Variants in DLGAP1 observed in about 807,000 individuals in gnomAD.
DLGAP1 encodes disks large-associated protein 1.
In DLGAP1, 11 loss-of-function variants were observed where a neutral mutation model predicts 90.8. The ratio of observed to expected loss-of-function variants is 0.12; its 90% CI spans 0.08 to 0.20. The LOEUF is 0.20. Ranked by LOEUF, DLGAP1 falls within the 10% of genes least tolerant of loss-of-function variation. The pLI is 1.00. For synonymous variants in DLGAP1, 558 were observed against 540.7 expected, an observed-to-expected ratio of 1.03 and a Z score of -0.44; for missense variants, 1,050 against 1,333.8, an observed-to-expected ratio of 0.79 and a Z score of 3.31.
intron 1 of DLGAP1, among the ~76,000 whole-genome samples, chr18:4,394,911 T>C (rs1336144856): frequency 2.0e-5 from 3 of 152,238 alleles, no homozygotes; most frequent in Non-Finnish European, 4.4e-5. Context: ...AGCTCAGGAA[T>C]ACCTTCATTC....
At chr18:3,995,915 TAA>T (rs2074061157) in intron 3 of DLGAP1, among the ~76,000 whole-genome samples, 1 of 152,050 alleles carries the variant, frequency 6.6e-6, no homozygotes, top group South Asian at 2.1e-4. Context: ...AAAGCAAAAG[TAA>T]AAGTTTAGAT....
intron 5 of DLGAP1, among the ~76,000 whole-genome samples, chr18:3,747,208 G>GA (rs1356388053): frequency 6.6e-6 from 1 of 152,044 alleles, no homozygotes; most frequent in Non-Finnish European, 1.5e-5. Flanking sequence ...AAAAGTAAAA[G>GA]AAAAAAATTG....
intron 1 of DLGAP1, among the ~76,000 whole-genome samples, chr18:4,269,455 G>A (rs1231039161): frequency 6.6e-6 from 1 of 150,980 alleles, no homozygotes; most frequent in Non-Finnish European, 1.5e-5. Flanking sequence ...CCGGGCTCAC[G>A]CCATTCTCCT....
Position 4,207,757 on chromosome 18 carries a change from C to A in DLGAP1, c.-266-56470G>T, listed in dbSNP as rs150862776. The stretch of plus-strand genomic sequence containing the variant: ...CACCAAAGAGCCAAACTGCTATCCA[C>A]CACTGCCTGTTTGGGGACCCAAATC... On this transcript the variant is annotated intron_variant, in intron 1 of 12. Transcript: ENST00000315677. 2.6e-3 allele frequency among the ~76,000 whole-genome samples: 397 copies of A among 152,330 alleles called. 6 individuals are homozygous for A. In the East Asian group the frequency reaches 0.029, roughly 11 times the overall value.
At chr18:3,964,933 A>T (rs1391699953) in intron 3 of DLGAP1, among the ~76,000 whole-genome samples, 4 of 152,188 alleles carry the variant, frequency 2.6e-5, no homozygotes, top group Admixed American at 2.6e-4. Flanking sequence ...AAAAGATTCT[A>T]CTAAGAGACT....
Position 3,879,151 on chromosome 18 carries a change from G to C in DLGAP1, c.918C>G (p.Ser306=). 10 of 1,508,732 alleles carry C rather than the reference G, an allele frequency of 6.6e-6. No homozygotes were observed. Among genetic ancestry groups the C allele is most frequent in the Non-Finnish European group, 8.0e-6 (9 of 1,128,354 alleles). The allele number at this position is 1,508,732 out of a possible 1,614,324, so 93.5% of individuals were successfully genotyped here. A position where few individuals can be genotyped will look rare whatever the true frequency, so the allele number is the denominator to read the frequency against. ...SVNMDQAMVK[S]ESCQQERSCQ... ...AGGAGCGTTCTTGCTGACACGACTC[G>C]GACTTCACCATGGCCTGGTCCATGT... Residue 306 remains serine (S), a synonymous_variant, in exon 4 of 13, where the codon TCC becomes TCG. Transcript: ENST00000315677. The surrounding 1 kb of genome is among the most constrained non-coding windows in gnomAD (Gnocchi z 6.6).
At chr18:4,444,513 T>G (rs2083614225) in intron 1 of DLGAP1, among the ~76,000 whole-genome samples, 1 of 152,238 alleles carries the variant, frequency 6.6e-6, no homozygotes, top group East Asian at 1.9e-4. Context: ...TACTGAGAGC[T>G]GTATCCTGCA....
At position 4,149,705 on chromosome 18, in the gene DLGAP1, C is replaced by T. The variant is rs559839546; in HGVS notation, c.-159+1475G>A. ...GAGCATGATCCCTGTTGTGAACTGT[C>T]CACGTGAGGAATCTAGGTATGTGCT... On this transcript the variant is annotated intron_variant, in intron 2 of 12. Coordinates refer to ENST00000315677, the MANE Select transcript of DLGAP1 (RefSeq NM_004746.4). Among the ~76,000 whole-genome samples, 7 of 152,300 alleles carry T rather than the reference C, an allele frequency of 4.6e-5. No individual in the cohort carries two copies. The South Asian group carries it at 1.5e-3, about 32-fold the overall frequency.
intron 8 of DLGAP1, among the ~76,000 whole-genome samples, chr18:3,574,804 AT>A (rs71366688): frequency 4.7e-5 from 7 of 148,488 alleles, no homozygotes; most frequent in South Asian, 2.1e-4. Flanking sequence ...ATTTTATTTT[AT>A]TTTATTTTAT....
rs1049672760 is a variant in DLGAP1, at chr18:4,159,845, CT to C, written c.-266-8559del. On this transcript the variant is annotated intron_variant, in intron 1 of 12. Transcript: ENST00000315677. The stretch of plus-strand genomic sequence containing the variant: ...CTTAGTCTCCATTCTCTTGTTTGTA[CT>C]TTTTTTTGGTCTGCGTTCTTCTCTC... Among the ~76,000 whole-genome samples the C allele has an allele frequency of 5.3e-5, 8 of 152,040 alleles. No homozygotes were observed. The East Asian group carries it at 1.5e-3, about 29-fold the overall frequency.
intron 7 of DLGAP1, among the ~76,000 whole-genome samples, chr18:3,623,188 C>T (rs1291268452): frequency 2.6e-5 from 4 of 152,064 alleles, no homozygotes; most frequent in Non-Finnish European, 5.9e-5. Flanking sequence ...ACTGGTGAAA[C>T]AGGCATGCTA....
chr18:3,531,253 A>G (rs139391381), intron 10 of DLGAP1, among the ~76,000 whole-genome samples: 7,793 of 152,064 alleles, frequency 0.051, 344 homozygotes, highest in African/African-American at 0.12. Context: ...ACTGGCCAAC[A>G]TGGTGAAACC....
chr18:4,429,586 G>A (rs922082235), intron 1 of DLGAP1, among the ~76,000 whole-genome samples: 20 of 152,194 alleles, frequency 1.3e-4, no homozygotes, highest in African/African-American at 4.8e-4. Context: ...ACTAAGTGTT[G>A]GCAAGGATTT....
chr18:3,809,334 AGGC>A (rs2066716306), intron 5 of DLGAP1, among the ~76,000 whole-genome samples: 1 of 152,232 alleles, frequency 6.6e-6, no homozygotes, highest in South Asian at 2.1e-4. Context: ...ATTTGCCAAA[AGGC>A]ACACAGCTAC....
chr18:4,221,826 C>T (rs182093914), intron 1 of DLGAP1, among the ~76,000 whole-genome samples: 3 of 152,268 alleles, frequency 2.0e-5, no homozygotes, highest in East Asian at 1.9e-4. Context: ...GTTATCTCTT[C>T]GCATTTACAT....
chr18:3,752,284 A>G (rs950428692), intron 5 of DLGAP1, among the ~76,000 whole-genome samples: 2 of 152,116 alleles, frequency 1.3e-5, no homozygotes, highest in Non-Finnish European at 2.9e-5. Flanking sequence ...AGAATTATGT[A>G]ATCATAATTA....
chr18:4,146,560 G>A (rs77179544), intron 2 of DLGAP1, among the ~76,000 whole-genome samples: 2,008 of 152,130 alleles, frequency 0.013, 25 homozygotes, highest in Non-Finnish European at 0.019. Flanking sequence ...TATAATGGAG[G>A]TAACTGAAGC....
In DLGAP1 at chr18:3,600,819, GATAT is replaced by G. The variant is rs71366691; in HGVS notation, c.1592-18575_1592-18572del. Among the ~76,000 whole-genome samples the G allele has an allele frequency of 1.0e-3, 58 of 55,692 alleles. 2 individuals carry two copies. The highest frequency in any genetic ancestry group is 1.6e-3 in the Non-Finnish European group (43 of 27,348). 36.5% of individuals were successfully genotyped at this position (55,692 alleles called of 152,430 possible). A position where few individuals can be genotyped will look rare whatever the true frequency, so the allele number is the denominator to read the frequency against. ...ATATATAGATATATAGATATATATA[GATAT>G]ATAGATATATATAGATATATATAGA... On this transcript the variant is annotated intron_variant, in intron 7 of 12. Coordinates refer to ENST00000315677, the MANE Select transcript of DLGAP1 (RefSeq NM_004746.4).
intron 1 of DLGAP1, among the ~76,000 whole-genome samples, chr18:4,277,447 T>C (rs1240199423): frequency 6.6e-6 from 1 of 152,212 alleles, no homozygotes; most frequent in African/African-American, 2.4e-5. Context: ...CCAAGGCTTG[T>C]TAGCATTCTG....
Sources: allele counts gnomAD v4.1 joint callset (sites outside exome capture counted in the v4.1 genomes callset), GRCh38; gene constraint gnomAD v4.1.1; non-coding constraint Gnocchi (gnomAD v3.1); transcripts MANE v1.5; gene names NCBI Gene and HGNC (gene_info 2026-07-23, HGNC 2026-07-21).